The following THRB variants were observed in gnomAD, a reference collection of about 807,000 sequenced individuals.
THRB encodes nuclear receptor subfamily 1 group A member 2.
In THRB, 12 loss-of-function variants were observed where a neutral mutation model predicts 47.8. That is an observed-to-expected ratio of 0.25 (90% CI 0.16 to 0.41). The LOEUF (loss-of-function observed/expected upper bound fraction) is 0.41. Ranked by LOEUF, THRB falls within the 10% of genes least tolerant of loss-of-function variation. The pLI is 1.00. For synonymous variants in THRB, 218 were observed against 212.2 expected (o/e 1.03, Z -0.24); for missense variants, 348 against 589.2 (o/e 0.59, Z 4.24).
chr3:24,309,609 T>C (rs918916344), intron 2 of THRB, among the ~76,000 whole-genome samples: 2 of 152,222 alleles, frequency 1.3e-5, no homozygotes, highest in Admixed American at 6.5e-5. Flanking sequence ...AATGAATAAT[T>C]AATAATGTCT....
At chr3:24,417,139 C>T (rs1286671313) in intron 1 of THRB, among the ~76,000 whole-genome samples, 1 of 74,288 alleles carries the variant, frequency 1.3e-5, no homozygotes, top group East Asian at 5.7e-4. Context: ...CACACACACA[C>T]GCGCAACGCG....
intron 8 of THRB, among the ~76,000 whole-genome samples, chr3:24,140,175 G>A (rs1366624909): frequency 1.3e-5 from 2 of 152,228 alleles, no homozygotes; most frequent in Admixed American, 1.3e-4. Context: ...AGGAGTATAT[G>A]TAAATATGTA....
intron 3 of THRB, among the ~76,000 whole-genome samples, chr3:24,264,726 A>G (rs1242780403): frequency 2.0e-5 from 3 of 152,180 alleles, no homozygotes; most frequent in Admixed American, 6.5e-5. Context: ...TCAAAAAAAG[A>G]ATAAACCTGA....
chr3:24,290,576 A>T (rs1337502731), intron 3 of THRB, among the ~76,000 whole-genome samples: 1 of 152,170 alleles, frequency 6.6e-6, no homozygotes, highest in African/African-American at 2.4e-5. Flanking sequence ...TTCTCTGACA[A>T]CTCAATTCAG....
At position 24,279,009 on chromosome 3, in the gene THRB, T is replaced by C. The variant is rs189803320; in HGVS notation, c.-43+18217A>G. Reference sequence around the variant, plus strand: ...ACCGGTGCATACTACCACGTCCAGCTAGTTTTTAAATGTTTCATAGAGATG... The same window carrying C: ...ACCGGTGCATACTACCACGTCCAGCCAGTTTTTAAATGTTTCATAGAGATG... On this transcript the variant is annotated intron_variant, in intron 3 of 10. Coordinates refer to ENST00000646209, the MANE Select transcript of THRB (RefSeq NM_001354712.2). Among the ~76,000 whole-genome samples the C allele has an allele frequency of 3.5e-3, 537 of 152,256 alleles. 3 individuals are homozygous for C. The highest frequency in any genetic ancestry group is 0.012 in the African/African-American group (510 of 41,544).
At chr3:24,143,394 G>T in intron 8 of THRB, 107 bp downstream of exon 8, 1 of 1,134,954 alleles carries the variant, frequency 8.8e-7, no homozygotes, top group Non-Finnish European at 1.3e-6. Flanking sequence ...TTCCCTATCA[G>T]TAAAATGAGG....
At chr3:24,343,495 T>C (rs2062812357) in intron 1 of THRB, among the ~76,000 whole-genome samples, 1 of 152,200 alleles carries the variant, frequency 6.6e-6, no homozygotes, top group African/African-American at 2.4e-5. Flanking sequence ...GGCTTAACTA[T>C]GGGCAACATC....
intron 1 of THRB, among the ~76,000 whole-genome samples, chr3:24,434,701 G>C (rs745920): frequency 0.058 from 8,819 of 152,166 alleles, 885 homozygotes; most frequent in African/African-American, 0.2. Context: ...TTCACAAGAG[G>C]GTCTTGAAAG....
rs146083240 is a variant in THRB at position 24,249,269 on chromosome 3, A to G, written c.-42-20268T>C. Among the ~76,000 whole-genome samples, 181 of 152,254 alleles carry G rather than the reference A, an allele frequency of 1.2e-3. 2 individuals carry two copies. In the East Asian group the frequency reaches 0.032, roughly 27 times the overall value. On this transcript the variant is annotated intron_variant, in intron 3 of 10. Transcript: ENST00000646209. ...CCTGATCACCCTGGAAATGTTTGAA[A>G]ACAGAAAGTATAAAGGAGAAACAAT... is the stretch of plus-strand genomic sequence containing the variant.
intron 5 of THRB, among the ~76,000 whole-genome samples, chr3:24,163,551 G>A (rs1429153907): frequency 6.6e-6 from 1 of 152,056 alleles, no homozygotes; most frequent in Non-Finnish European, 1.5e-5. Context: ...ACTACAAAAG[G>A]CATATCCAAG....
chr3:24,365,098 G>A (rs2064359926), intron 1 of THRB, among the ~76,000 whole-genome samples: 1 of 152,080 alleles, frequency 6.6e-6, no homozygotes, highest in African/African-American at 2.4e-5. Context: ...TCTAAACCCT[G>A]TGTTTATAAG....
rs1257036027 is a variant in THRB at position 24,283,121 on chromosome 3, A to G, written c.-43+14105T>C. On this transcript the variant is annotated intron_variant, in intron 3 of 10. Transcript: ENST00000646209. The stretch of plus-strand genomic sequence containing the variant: ...ATCCTGATACCAAAGCCGGGCAGAG[A>G]CACAACCAAAAAAGAGAATTTTAGA... Among the ~76,000 whole-genome samples the G allele has an allele frequency of 2.2e-3, 329 of 151,506 alleles. 6 individuals carry two copies. The East Asian group carries it at 0.051, about 23-fold the overall frequency.
At chr3:24,480,559 C>G (rs1443924221) in intron 1 of THRB, among the ~76,000 whole-genome samples, 1 of 152,160 alleles carries the variant, frequency 6.6e-6, no homozygotes, top group East Asian at 1.9e-4. Flanking sequence ...TGTACAAGAA[C>G]TCTAATGAGT....
intron 7 of THRB, chr3:24,144,664 G>A (rs556395316): frequency 6.6e-6 from 1 of 152,280 alleles, no homozygotes; most frequent in South Asian, 2.1e-4. Flanking sequence ...GGAATGGAAA[G>A]GCTCAGGTTT....
intron 1 of THRB, among the ~76,000 whole-genome samples, chr3:24,451,243 T>C (rs995028731): frequency 6.8e-6 from 1 of 147,472 alleles, no homozygotes; most frequent in African/African-American, 2.5e-5. Flanking sequence ...TTTTTTTTTT[T>C]TTTTTTTTGA....
At chr3:24,366,509 C>T (rs774619013) in intron 1 of THRB, among the ~76,000 whole-genome samples, 9 of 152,074 alleles carry the variant, frequency 5.9e-5, no homozygotes, top group Non-Finnish European at 1.0e-4. Flanking sequence ...CCTGGAAGCA[C>T]GTGTACTCTG....
At chr3:24,387,420 G>C (rs1050730374) in intron 1 of THRB, among the ~76,000 whole-genome samples, 3 of 152,130 alleles carry the variant, frequency 2.0e-5, no homozygotes, top group African/African-American at 7.2e-5. Flanking sequence ...TTACTTTGGT[G>C]AGCTGTTGTT....
intron 5 of THRB, among the ~76,000 whole-genome samples, chr3:24,155,180 T>C (rs889674401): frequency 1.3e-5 from 2 of 152,214 alleles, no homozygotes; most frequent in African/African-American, 4.8e-5. Context: ...AATAATTCAA[T>C]CAGTGACTGG....
chr3:24,124,972 G>T (rs1260959999), intron 10 of THRB, among the ~76,000 whole-genome samples: 1 of 152,240 alleles, frequency 6.6e-6, no homozygotes, highest in Non-Finnish European at 1.5e-5. Context: ...CTGTCAGGCA[G>T]TGTCAGCCTC....
Sources: allele counts gnomAD v4.1 joint callset (sites outside exome capture counted in the v4.1 genomes callset), GRCh38; gene constraint gnomAD v4.1.1; transcripts MANE v1.5; gene names NCBI Gene and HGNC (gene_info 2026-07-23, HGNC 2026-07-21).